The following HEG1 variants were observed in gnomAD, a reference collection of about 807,000 sequenced individuals.
The protein encoded by HEG1 is heart development protein with EGF like domains 1.
Under a neutral mutation model 125.6 loss-of-function variants are expected in HEG1, and 56 were observed. The observed-to-expected ratio is 0.45, with a 90% CI of 0.36 to 0.56. The LOEUF is 0.56. Ranked by LOEUF, HEG1 falls within the 20% of genes least tolerant of loss-of-function variation. The pLI, the probability that HEG1 is intolerant of heterozygous loss-of-function variation, is 0.00. For synonymous variants in HEG1, 644 were observed against 668.5 expected, an observed-to-expected ratio of 0.96 and a Z score of 0.57; for missense variants, 1,523 against 1,670.0, an observed-to-expected ratio of 0.91 and a Z score of 1.53.
At chr3:125,049,631 C>T (rs1323101426) in intron 1 of HEG1, among the ~76,000 whole-genome samples, 1 of 152,180 alleles carries the variant, frequency 6.6e-6, no homozygotes, top group Non-Finnish European at 1.5e-5. Context: ...TCCCATCATC[C>T]CCGTGGCCAG....
Position 125,032,968 on chromosome 3 carries a change from A to G in HEG1, c.317-3480T>C, listed in dbSNP as rs559180846. On this transcript the variant is annotated intron_variant, in intron 1 of 16. Transcript: ENST00000311127. The stretch of plus-strand genomic sequence containing the variant: ...GAACTCCAGTGCAGTCTCCGAGGGG[A>G]AAAGAATGGCCACATGCAGACAGGG... 8.5e-5 allele frequency among the ~76,000 whole-genome samples: 13 copies of G among 152,178 alleles called. No homozygotes were observed. In the South Asian group the frequency reaches 2.5e-3, roughly 29 times the overall value.
In HEG1 at chr3:124,987,142, C is replaced by T. The variant is rs528035653; in HGVS notation, c.3733+3645G>A. Among the ~76,000 whole-genome samples, 3 of 152,236 alleles carry T rather than the reference C, an allele frequency of 2.0e-5. No individual in the cohort carries two copies. The South Asian group carries it at 6.2e-4, about 32-fold the overall frequency. On this transcript the variant is annotated intron_variant, in intron 14 of 16. Transcript: ENST00000311127. ...ATTGCTTGAGCCTGAGAGGTTGAGG[C>T]TACAGTGAGCCATGATCAGGCCACT...
At position 124,973,649 on chromosome 3, in the gene HEG1, C is replaced by A. The variant is rs1168379018; in HGVS notation, c.3996+82G>T. On this transcript the variant is annotated intron_variant, in intron 16 of 16. Coordinates refer to ENST00000311127, the MANE Select transcript of HEG1 (RefSeq NM_020733.2). ...CTTTAACCCTTAACTAACTGTAATG[C>A]TTTTACTACAACAAAACAGAATTCC... The A allele has an allele frequency of 4.4e-6, 5 of 1,133,050 alleles. No homozygotes were observed. In the African/African-American group the frequency reaches 4.7e-5, roughly 11 times the overall value. 70.2% of individuals were successfully genotyped at this position (1,133,050 alleles called of 1,614,324 possible).
chr3:125,029,118 T>G, intron 2 of HEG1, 77 bp downstream of exon 2: 1 of 1,465,548 alleles, frequency 6.8e-7, no homozygotes, highest in Non-Finnish European at 9.2e-7. Context: ...AGAATGGGGT[T>G]GTGGGGAATG....
rs1427722471 is a variant in HEG1, at chr3:125,012,749, G to A, written c.2830C>T (p.Leu944Phe). ...TAEYSPASRS[L>F]GTSPSPQTTV... ...GTTTGGGGAGAAGGAGATGTTCCGAGGGAACGTGAAGCTGGGCTGTACTCT... is the reference window on the plus strand; with the variant it reads ...GTTTGGGGAGAAGGAGATGTTCCGAAGGAACGTGAAGCTGGGCTGTACTCT... The change falls in exon 6 of 17, where the codon CTC becomes TTC. Residue 944 changes from leucine to phenylalanine, a missense_variant. Leu to Phe is a conservative substitution (Grantham distance 22). Coordinates refer to ENST00000311127, the MANE Select transcript of HEG1 (RefSeq NM_020733.2). The A allele has an allele frequency of 2.5e-6, 4 of 1,613,898 alleles. No individual in the cohort carries two copies. The Admixed American group carries it at 6.7e-5, about 27-fold the overall frequency.
chr3:124,970,423 T>G lies in HEG1; in HGVS notation c.*229A>C. On this transcript the variant is annotated 3_prime_UTR_variant, in exon 17 of 17. Coordinates refer to ENST00000311127, the MANE Select transcript of HEG1 (RefSeq NM_020733.2). The stretch of plus-strand genomic sequence containing the variant: ...TCACTCAGAGAGACTCTCTTGATAC[T>G]GGCCCACATTCACGTTCACAGTAAC... 1 of 520,364 alleles carries G rather than the reference T, an allele frequency of 1.9e-6. No homozygotes were observed. Among genetic ancestry groups the G allele is most frequent in the South Asian group, 2.4e-5 (1 of 40,978 alleles). The allele number at this position is 520,364 out of a possible 1,614,324, so 32.2% of individuals were successfully genotyped here.
At chr3:125,005,840 C>T (rs1354334679) in intron 8 of HEG1, among the ~76,000 whole-genome samples, 1 of 152,224 alleles carries the variant, frequency 6.6e-6, no homozygotes, top group East Asian at 1.9e-4. Flanking sequence ...TCTGAGGTCT[C>T]CAACTGAGTC....
At chr3:125,026,163 C>T (rs371063787) in intron 3 of HEG1, among the ~76,000 whole-genome samples, 9 of 152,136 alleles carry the variant, frequency 5.9e-5, no homozygotes, top group East Asian at 5.8e-4. Context: ...AATAAAACCT[C>T]GGAGAAGAAA....
intron 5 of HEG1, among the ~76,000 whole-genome samples, chr3:125,018,219 G>A (rs1226779336): frequency 6.6e-6 from 1 of 152,226 alleles, no homozygotes; most frequent in Non-Finnish European, 1.5e-5. Context: ...GAACGAAGTT[G>A]TGATACAACG....
Position 125,009,698 on chromosome 3 carries a change from C to G in HEG1, c.3193+7G>C, listed in dbSNP as rs1937122742. ...GAATAAAGTCCGAAATAGACTAAGT[C>G]TCTTACCCAAATTGCATATCCCTTT... is the stretch of plus-strand genomic sequence containing the variant. On this transcript the variant is annotated splice_region_variant and intron_variant, in intron 8 of 16. Transcript: ENST00000311127. The G allele has an allele frequency of 6.2e-7, 1 of 1,610,206 alleles. No homozygotes were observed. The highest frequency in any genetic ancestry group is 1.3e-5 in the African/African-American group (1 of 74,894).
chr3:124,987,816 G>A (rs773955034), intron 14 of HEG1, among the ~76,000 whole-genome samples: 1 of 150,294 alleles, frequency 6.7e-6, no homozygotes, highest in African/African-American at 2.4e-5. Flanking sequence ...CACAGCGCCC[G>A]GCCAAGCCTC....
rs922951345 is a variant in HEG1 at position 124,976,611 on chromosome 3, G to T, written c.3821+1248C>A. Among the ~76,000 whole-genome samples, 34 of 151,866 alleles carry T rather than the reference G, an allele frequency of 2.2e-4. 1 individual carries two copies. The highest frequency in any genetic ancestry group is 8.0e-4 in the African/African-American group (33 of 41,304). On this transcript the variant is annotated intron_variant, in intron 15 of 16. Coordinates refer to ENST00000311127, the MANE Select transcript of HEG1 (RefSeq NM_020733.2). ...TTGACCATCTTTTCGTGTGTGCCAC[G>T]ATCGGGATATAGTTTGTCCCCACCC...
chr3:124,979,465 A>C (rs1278619864), intron 14 of HEG1, among the ~76,000 whole-genome samples: 1 of 152,200 alleles, frequency 6.6e-6, no homozygotes, highest in Non-Finnish European at 1.5e-5. Context: ...AAGCAAGTAC[A>C]TATCATATGT....
At chr3:125,026,737 T>C (rs574507920) in intron 3 of HEG1, among the ~76,000 whole-genome samples, 53 of 152,152 alleles carry the variant, frequency 3.5e-4, no homozygotes, top group Non-Finnish European at 6.3e-4. Context: ...TGGTGGCTCA[T>C]GCCTGTAATC....
chr3:125,001,883 C>T lies in HEG1; in HGVS notation c.3486G>A (p.Gln1162=). ...AGATCCGCCTCTGAGATCCCAAGAG[C>T]TGGCAGACCTCAGCAGAGGACTTGC... ...NSCKSSAEVC[Q]LLGSQRRIFR... Residue 1162 remains glutamine, a synonymous_variant, in exon 11 of 17, where the codon CAG becomes CAA. Transcript: ENST00000311127. 1 of 1,613,596 alleles carries T rather than the reference C, an allele frequency of 6.2e-7. No individual in the cohort carries two copies. The highest frequency in any genetic ancestry group is 8.5e-7 in the Non-Finnish European group (1 of 1,179,760).
At chr3:125,002,086 T>G in intron 10 of HEG1, 74 bp from the exon 11 acceptor site, 1 of 1,544,156 alleles carries the variant, frequency 6.5e-7, no homozygotes, top group Non-Finnish European at 8.9e-7. Context: ...GAAATGAATG[T>G]CATCGCCATT....
rs369221402 is a variant in HEG1, at chr3:125,002,027, T to G, written c.3357-15A>C. The G allele has an allele frequency of 1.9e-6, 3 of 1,613,670 alleles. No individual in the cohort carries two copies. Among genetic ancestry groups the G allele is most frequent in the Non-Finnish European group, 2.5e-6 (3 of 1,179,760 alleles). On this transcript the variant is annotated splice_polypyrimidine_tract_variant and intron_variant, in intron 10 of 16. Transcript: ENST00000311127. ...CGTTGGACTCCCTATAGGCAAAGTT[T>G]GTGGGTTTTTAACAGCCCTGAAATG...
At chr3:125,040,223 G>C (rs1191062550) in intron 1 of HEG1, among the ~76,000 whole-genome samples, 2 of 152,290 alleles carry the variant, frequency 1.3e-5, no homozygotes, top group East Asian at 3.9e-4. Flanking sequence ...CGTTGATTAG[G>C]AGAAAGGACA....
intron 1 of HEG1, among the ~76,000 whole-genome samples, chr3:125,051,973 A>G (rs1035070801): frequency 6.6e-6 from 1 of 152,088 alleles, no homozygotes; most frequent in African/African-American, 2.4e-5. Flanking sequence ...GGCAGCAAAT[A>G]CCTTTCAGTC....
Sources: gnomAD v4.1 joint callset for allele counts (sites outside exome capture counted in the v4.1 genomes callset) on GRCh38, gnomAD v4.1.1 for gene constraint, MANE v1.5 for transcripts, NCBI Gene and HGNC (gene_info 2026-07-23, HGNC 2026-07-21) for gene names.